Variants in TXNRD2 observed in about 807,000 individuals in gnomAD.
The protein encoded by TXNRD2 is thioredoxin reductase 2, mitochondrial.
Under a neutral mutation model 70.8 loss-of-function variants are expected in TXNRD2, and 67 were observed. The ratio of observed to expected loss-of-function variants is 0.95; its 90% CI spans 0.78 to 1.16. The LOEUF (loss-of-function observed/expected upper bound fraction) is 1.16. Among genes scored for constraint, TXNRD2 ranks in the 50% most tolerant of loss-of-function variants. The pLI, the probability that TXNRD2 is intolerant of heterozygous loss-of-function variation, is 0.00. For synonymous variants in TXNRD2, 301 were observed against 295.8 expected (o/e 1.02, Z -0.18); for missense variants, 644 against 719.9 (o/e 0.89, Z 1.21).
At chr22:19,892,000 C>G (rs912359550) in intron 11 of TXNRD2, among the ~76,000 whole-genome samples, 1 of 152,226 alleles carries the variant, frequency 6.6e-6, no homozygotes, top group African/African-American at 2.4e-5. Flanking sequence ...GGCCAGCACT[C>G]GGCCCCACAC....
chr22:19,917,333 G>A (rs1178033021), intron 5 of TXNRD2, among the ~76,000 whole-genome samples: 6 of 152,160 alleles, frequency 3.9e-5, no homozygotes, highest in Non-Finnish European at 8.8e-5. Context: ...AGCACAATGT[G>A]GCTTAGCTCC....
chr22:19,883,570 G>T (rs1340576298), intron 11 of TXNRD2, 109 bp from the exon 12 acceptor site: 1 of 1,503,466 alleles, frequency 6.7e-7, no homozygotes. Context: ...GGGTGCAGTG[G>T]CTCCTGCCTG....
intron 8 of TXNRD2, among the ~76,000 whole-genome samples, chr22:19,908,341 C>G (rs933415202): frequency 3.3e-5 from 5 of 152,052 alleles, no homozygotes; most frequent in African/African-American, 1.2e-4. Context: ...ATTGGCCTGT[C>G]AGCACAAAGT....
At chr22:19,908,509 AG>A (rs1940174371) in intron 8 of TXNRD2, among the ~76,000 whole-genome samples, 2 of 152,172 alleles carry the variant, frequency 1.3e-5, no homozygotes, top group Admixed American at 1.3e-4. Context: ...TGCACTGGCG[AG>A]GATGTGGGGA....
At chr22:19,940,473 A>G (rs1941672751) in intron 1 of TXNRD2, among the ~76,000 whole-genome samples, 1 of 152,058 alleles carries the variant, frequency 6.6e-6, no homozygotes, top group Admixed American at 6.6e-5. Flanking sequence ...TTATCCCCCT[A>G]AGTCTCGTAT....
intron 1 of TXNRD2, chr22:19,933,619 T>C: frequency 1.5e-6 from 1 of 680,168 alleles, no homozygotes; most frequent in Non-Finnish European, 2.1e-6. Flanking sequence ...CCTCTCGGGC[T>C]GATAAACACT....
chr22:19,922,054 G>C (rs1399658270), intron 2 of TXNRD2, among the ~76,000 whole-genome samples: 3 of 151,982 alleles, frequency 2.0e-5, no homozygotes, highest in Admixed American at 2.0e-4. Flanking sequence ...AGTATTTCTA[G>C]AAATACAAAA....
intron 1 of TXNRD2, chr22:19,932,330 T>C: frequency 1.2e-6 from 2 of 1,612,490 alleles, no homozygotes; most frequent in Non-Finnish European, 1.7e-6. Context: ...TGGAATTCCT[T>C]TTGGGCTGGT....
intron 16 of TXNRD2, 39 bp from the exon 17 acceptor site, chr22:19,877,273 C>T: frequency 1.3e-6 from 2 of 1,581,528 alleles, no homozygotes; most frequent in East Asian, 2.3e-5. Context: ...GGGGTCAGCA[C>T]AGGGAGGGGG....
intron 1 of TXNRD2, among the ~76,000 whole-genome samples, chr22:19,936,419 C>T (rs1230393690): frequency 6.6e-6 from 1 of 151,594 alleles, no homozygotes; most frequent in Non-Finnish European, 1.5e-5. Context: ...CACGAAGAGC[C>T]GACACTTGTA....
At position 19,918,860 on chromosome 22, in the gene TXNRD2, C is replaced by A; in HGVS notation, c.374G>T (p.Trp125Leu). 3 of 1,607,462 alleles carry A rather than the reference C, an allele frequency of 1.9e-6. No homozygotes were observed. The highest frequency in any genetic ancestry group is 2.5e-6 in the Non-Finnish European group (3 of 1,179,844). ...WEVAQPVPHD[W>L]RKMAEAVQNH... is the part of the protein sequence containing the mutation. ...GAATGCCACGGCGCCAGATCCTTACCAGTCATGCGGCACGGGCTGGGCCAC... is the reference window on the plus strand; with the variant it reads ...GAATGCCACGGCGCCAGATCCTTACAAGTCATGCGGCACGGGCTGGGCCAC... The change falls in exon 4 of 18, where the codon TGG (tryptophan) becomes TTG (leucine). Residue 125 changes from tryptophan (W) to leucine (L), a missense_variant and splice_region_variant. Transcript: ENST00000400521.
chr22:19,933,960 C>T (rs1257159006), intron 1 of TXNRD2, among the ~76,000 whole-genome samples: 3 of 152,250 alleles, frequency 2.0e-5, no homozygotes, highest in Non-Finnish European at 4.4e-5. Context: ...TTTGAACCCA[C>T]TGCCTGGTAC....
chr22:19,879,114 T>C (rs1938639777), intron 14 of TXNRD2, among the ~76,000 whole-genome samples: 1 of 152,242 alleles, frequency 6.6e-6, no homozygotes, highest in African/African-American at 2.4e-5. Flanking sequence ...CATTATAAAA[T>C]GCCAGGAACA....
At chr22:19,892,662 C>T (rs1387588431) in intron 11 of TXNRD2, among the ~76,000 whole-genome samples, 2 of 152,150 alleles carry the variant, frequency 1.3e-5, no homozygotes, top group Admixed American at 6.5e-5. Flanking sequence ...GGCTGCCCCT[C>T]GGTTCAATGG....
intron 1 of TXNRD2, 25 bp downstream of exon 1, chr22:19,941,676 C>T (rs1941722007): frequency 1.4e-6 from 2 of 1,457,814 alleles, no homozygotes; most frequent in Non-Finnish European, 1.8e-6. Context: ...ACACCTACCG[C>T]GGGGACGCCC....
Position 19,878,441 on chromosome 22 carries a change from A to C in TXNRD2, c.1276-4T>G. 1.2e-6 allele frequency: 2 copies of C among 1,613,380 alleles called. No homozygotes were observed. Among genetic ancestry groups the C allele is most frequent in the South Asian group, 2.2e-5 (2 of 91,084 alleles). On this transcript the variant is annotated splice_region_variant and splice_polypyrimidine_tract_variant and intron_variant, in intron 14 of 17. Coordinates refer to ENST00000400521, the MANE Select transcript of TXNRD2 (RefSeq NM_006440.5). The stretch of plus-strand genomic sequence containing the variant: ...GTTTATAATGGGCGTGATAGACCTG[A>C]GGACAGGATACCAACCCTGGATCAG...
intron 1 of TXNRD2, among the ~76,000 whole-genome samples, chr22:19,933,695 C>A (rs1465546168): frequency 6.6e-6 from 1 of 152,170 alleles, no homozygotes; most frequent in Non-Finnish European, 1.5e-5. Context: ...GCTTGGGTAG[C>A]CTGCTGGGAA....
Position 19,883,448 on chromosome 22 carries a change from G to A in TXNRD2, c.963C>T (p.Asp321=). ...CCTTCTCCAAATTCAGACTTCTGGT[G>A]TCTGGGACTCGACCTGAAGGAAACA... The part of the protein sequence containing the change: ...TVLWAIGRVP[D]TRSLNLEKAG... The change falls in exon 12 of 18, where the codon GAC becomes GAT. Residue 321 remains aspartate, a synonymous_variant. Coordinates refer to ENST00000400521, the MANE Select transcript of TXNRD2 (RefSeq NM_006440.5). The A allele has an allele frequency of 6.2e-7, 1 of 1,614,094 alleles. No homozygotes were observed. The highest frequency in any genetic ancestry group is 2.2e-5 in the East Asian group (1 of 44,896).
chr22:19,913,927 C>T (rs1409678018), intron 7 of TXNRD2, among the ~76,000 whole-genome samples: 1 of 152,210 alleles, frequency 6.6e-6, no homozygotes, highest in East Asian at 1.9e-4. Context: ...CAAGTAAAGA[C>T]TTCAGTGGCC....
Sources: gnomAD v4.1 joint callset for allele counts (sites outside exome capture counted in the v4.1 genomes callset) on GRCh38, gnomAD v4.1.1 for gene constraint, MANE v1.5 for transcripts, NCBI Gene and HGNC (gene_info 2026-07-23, HGNC 2026-07-21) for gene names.